DTX1: variants seen among roughly 807,000 people sequenced by gnomAD.
The protein encoded by DTX1 is E3 ubiquitin-protein ligase DTX1.
A neutral mutation model predicts 57.8 loss-of-function variants in DTX1; 26 were observed. The ratio of observed to expected loss-of-function variants is 0.45; its 90% CI spans 0.33 to 0.62. The LOEUF (loss-of-function observed/expected upper bound fraction) is 0.62, where lower values mean the gene tolerates loss of function less well. Ranked by LOEUF, DTX1 falls within the 20% of genes least tolerant of loss-of-function variation. The pLI is 0.02. For missense variants in DTX1, 704 were observed against 895.3 expected, an observed-to-expected ratio of 0.79 and a Z score of 2.73; for synonymous variants, 398 against 394.1, an observed-to-expected ratio of 1.01 and a Z score of -0.12.
In DTX1 at chr12:113,093,436, A is replaced by ATGCC; in HGVS notation, c.1004-103_1004-102insTGCC. On this transcript the variant is annotated intron_variant, in intron 4 of 9. Transcript: ENST00000548759. This position sits in a 1 kb window ranked among gnomAD's most constrained non-coding sequence, Gnocchi z 4.2. Reference sequence around the variant, plus strand: ...CTGAGTGGGTGGGGCCCAAGAGCGCAACCCTCCCACCCACCCGAGGGCCCC... The same window carrying ATGCC: ...CTGAGTGGGTGGGGCCCAAGAGCGCATGCCACCCTCCCACCCACCCGAGGGCCCC... 2 of 876,280 alleles carry ATGCC rather than the reference A, an allele frequency of 2.3e-6. No homozygotes were observed. The highest frequency in any genetic ancestry group is 3.4e-6 in the Non-Finnish European group (2 of 586,222). The allele number at this position is 876,280 out of a possible 1,614,324, so 54.3% of individuals were successfully genotyped here. A position where few individuals can be genotyped will look rare whatever the true frequency, so the allele number is the denominator to read the frequency against.
At chr12:113,067,882 A>C (rs2044714411) in intron 2 of DTX1, among the ~76,000 whole-genome samples, 1 of 151,116 alleles carries the variant, frequency 6.6e-6, no homozygotes, top group East Asian at 1.9e-4. Flanking sequence ...ATAAAAACAA[A>C]AAAAAAAATA....
Position 113,058,061 on chromosome 12 carries a change from C to T in DTX1, c.-132C>T. ...GAGGTCTCTAGGCCTCAGAGAGAAC[C>T]CAGAGTTAGAAAGGAGGCCAGACGG... is the stretch of plus-strand genomic sequence containing the variant. On this transcript the variant is annotated 5_prime_UTR_variant, in exon 2 of 10. Coordinates refer to ENST00000548759, the MANE Select transcript of DTX1 (RefSeq NM_004416.3). 7.1e-7 allele frequency: 1 copy of T among 1,399,188 alleles called. No homozygotes were observed. The highest frequency in any genetic ancestry group is 9.4e-7 in the Non-Finnish European group (1 of 1,065,762). The allele number at this position is 1,399,188 out of a possible 1,614,324, so 86.7% of individuals were successfully genotyped here.
In DTX1 at chr12:113,077,903, G is replaced by A; in HGVS notation, c.739G>A (p.Val247Met). 4 of 1,241,006 alleles carry A rather than the reference G, an allele frequency of 3.2e-6. No homozygotes were observed. Among genetic ancestry groups the A allele is most frequent in the Non-Finnish European group, 4.0e-6 (4 of 997,830 alleles). The allele number at this position is 1,241,006 out of a possible 1,614,324, so 76.9% of individuals were successfully genotyped here. A position where few individuals can be genotyped will look rare whatever the true frequency, so the allele number is the denominator to read the frequency against. The change falls in exon 3 of 10, where the codon GTG becomes ATG. Residue 247 changes from valine to methionine, a missense_variant. Coordinates refer to ENST00000548759, the MANE Select transcript of DTX1 (RefSeq NM_004416.3). This position sits in a 1 kb window ranked among gnomAD's most constrained non-coding sequence, Gnocchi z 7.8. ...TGGAGGGCCTCCAGGCGCGCTTGCC[G>A]TGCGCCCCAGCGCCACCTTCACAGG... ...PPGGPPGALA[V>M]RPSATFTGAA...
intron 3 of DTX1, among the ~76,000 whole-genome samples, chr12:113,083,632 C>T (rs2044833877): frequency 6.6e-6 from 1 of 152,190 alleles, no homozygotes; most frequent in Non-Finnish European, 1.5e-5. Flanking sequence ...GGCCAATTTG[C>T]CAATAATTTT....
intron 3 of DTX1, among the ~76,000 whole-genome samples, chr12:113,078,897 C>T (rs1476655372): frequency 1.3e-5 from 2 of 152,032 alleles, no homozygotes; most frequent in Non-Finnish European, 2.9e-5. Context: ...GACCTGGAAT[C>T]GTGGGGGGTG....
intron 2 of DTX1, among the ~76,000 whole-genome samples, chr12:113,066,527 CAAA>C (rs76083573): frequency 8.3e-6 from 1 of 120,454 alleles, no homozygotes; most frequent in Admixed American, 8.7e-5. Context: ...GACTCCGTCT[CAAA>C]AAAAAAAAAA....
At chr12:113,091,953 C>T (rs1008310661) in intron 3 of DTX1, among the ~76,000 whole-genome samples, 1 of 152,222 alleles carries the variant, frequency 6.6e-6, no homozygotes, top group African/African-American at 2.4e-5. Context: ...AGTTCCCCTG[C>T]ATAAACAGGT....
At chr12:113,090,459 C>T (rs1204640600) in intron 3 of DTX1, among the ~76,000 whole-genome samples, 3 of 152,186 alleles carry the variant, frequency 2.0e-5, no homozygotes, top group Non-Finnish European at 4.4e-5. Flanking sequence ...CTCATCCCTG[C>T]GCCAAATGAT....
chr12:113,086,736 A>T (rs963505331), intron 3 of DTX1, among the ~76,000 whole-genome samples: 3 of 151,996 alleles, frequency 2.0e-5, no homozygotes, highest in African/African-American at 7.3e-5. Context: ...GATCTTCCAT[A>T]AGTATTACAT....
intron 3 of DTX1, among the ~76,000 whole-genome samples, chr12:113,089,426 C>T (rs952928029): frequency 2.6e-5 from 4 of 151,996 alleles, no homozygotes; most frequent in Non-Finnish European, 5.9e-5. Context: ...GAGTAGATTT[C>T]GGGGAGGGCC....
At chr12:113,073,620 G>A (rs983934830) in intron 2 of DTX1, among the ~76,000 whole-genome samples, 2 of 152,200 alleles carry the variant, frequency 1.3e-5, no homozygotes, top group South Asian at 2.1e-4. Flanking sequence ...CAGTTGGCAG[G>A]GCACAAGGCT....
In DTX1 at chr12:113,096,799, G is replaced by A. The variant is rs1199828691; in HGVS notation, c.1723G>A (p.Val575Met). 3.7e-6 allele frequency: 6 copies of A among 1,613,744 alleles called. No homozygotes were observed. Among genetic ancestry groups the A allele is most frequent in the African/African-American group, 1.3e-5 (1 of 74,908 alleles). The change falls in exon 10 of 10, where the codon GTG (valine) becomes ATG (methionine). Residue 575 changes from valine to methionine, a missense_variant. Coordinates refer to ENST00000548759, the MANE Select transcript of DTX1 (RefSeq NM_004416.3). ...TSNTTGESDTVVWNEIHHKTE... is the reference protein window; with the variant it reads ...TSNTTGESDTMVWNEIHHKTE... ...CAACACCACGGGCGAGTCGGACACCGTGGTGTGGAACGAGATCCACCACAA... is the reference window on the plus strand; with the variant it reads ...CAACACCACGGGCGAGTCGGACACCATGGTGTGGAACGAGATCCACCACAA...
At chr12:113,092,829 G>A (rs905785497) in intron 3 of DTX1, among the ~76,000 whole-genome samples, 14 of 152,162 alleles carry the variant, frequency 9.2e-5, no homozygotes, top group African/African-American at 3.4e-4. Context: ...TACACCACTA[G>A]TAGTTGGGTT....
At chr12:113,079,199 C>G (rs971511621) in intron 3 of DTX1, among the ~76,000 whole-genome samples, 7 of 152,120 alleles carry the variant, frequency 4.6e-5, no homozygotes, top group Admixed American at 3.3e-4. Context: ...AGACCTTGAA[C>G]TTGGGACAGA....
chr12:113,085,440 T>C (rs1236559794), intron 3 of DTX1, among the ~76,000 whole-genome samples: 6 of 152,204 alleles, frequency 3.9e-5, no homozygotes, highest in Non-Finnish European at 7.3e-5. Context: ...TAAAGAGACG[T>C]CATTTAAGTT....
chr12:113,078,092 T>G lies in DTX1; in HGVS notation c.928T>G (p.Ser310Ala), dbSNP rs1055970204. ...CACCACCAGCGTGAGCGCGCGCGCC[T>G]CCATCCCGCCGGGGTAAGACGGGGC... Reference protein sequence around the residue: ...QRTTSVSARASIPPGVPALPV... With the variant: ...QRTTSVSARAAIPPGVPALPV... The change falls in exon 3 of 10, where the codon TCC becomes GCC. Residue 310 changes from serine (S) to alanine (A), a missense_variant. By Grantham distance (99) the Ser-to-Ala change is moderately conservative. Around this residue, in one of 3 missense-constraint regions of DTX1, gnomAD observed 299 missense variants for 311.2 expected, o/e 0.96. Transcript: ENST00000548759. The G allele has an allele frequency of 2.9e-6, 4 of 1,396,078 alleles. No individual in the cohort carries two copies. In the Admixed American group the frequency reaches 1.2e-4, roughly 40 times the overall value. The allele number at this position is 1,396,078 out of a possible 1,614,324, so 86.5% of individuals were successfully genotyped here. A position where few individuals can be genotyped will look rare whatever the true frequency, so the allele number is the denominator to read the frequency against.
chr12:113,090,923 G>C (rs1234001955), intron 3 of DTX1, among the ~76,000 whole-genome samples: 3 of 152,186 alleles, frequency 2.0e-5, no homozygotes, highest in Non-Finnish European at 4.4e-5. Context: ...GAGTCAGCGT[G>C]TCCTCCTGCG....
rs1347408130 is a variant in DTX1 at position 113,076,083 on chromosome 12, G to C, written c.260-1341G>C. On this transcript the variant is annotated intron_variant, in intron 2 of 9. Transcript: ENST00000548759. ...GGGGGTGCACATTTTTAAATAGGAT[G>C]ATGGTAAATGAAGGAATGTCTGAAT... Among the ~76,000 whole-genome samples, 3 of 152,126 alleles carry C rather than the reference G, an allele frequency of 2.0e-5. No individual in the cohort carries two copies. The East Asian group carries it at 5.8e-4, about 29-fold the overall frequency.
At position 113,094,840 on chromosome 12, in the gene DTX1, G is replaced by A. The variant is rs760138547; in HGVS notation, c.1279G>A (p.Val427Met). The change falls in exon 7 of 10, where the codon GTG (valine) becomes ATG (methionine). Residue 427 changes from valine to methionine, a missense_variant. Transcript: ENST00000548759. Reference protein sequence around the residue: ...RLVTASGYEGVLRHKGVRPEL... With the variant: ...RLVTASGYEGMLRHKGVRPEL... ...GGTCACAGCATCAGGCTACGAGGGC[G>A]TGCTTCGGCACAAGGGCGTGCGGCC... 15 of 1,613,718 alleles carry A rather than the reference G, an allele frequency of 9.3e-6. No homozygotes were observed. Among genetic ancestry groups the A allele is most frequent in the Admixed American group, 1.7e-5 (1 of 60,004 alleles).
Sources: gnomAD v4.1 joint callset for allele counts (sites outside exome capture counted in the v4.1 genomes callset) on GRCh38, gnomAD v4.1.1 for gene constraint, gnomAD v4.1.1 regional missense constraint, Gnocchi (gnomAD v3.1) non-coding constraint, MANE v1.5 for transcripts, NCBI Gene and HGNC (gene_info 2026-07-23, HGNC 2026-07-21) for gene names.